Variants in SMYD2 observed in about 807,000 individuals in gnomAD.
SMYD2 encodes N-lysine methyltransferase SMYD2.
A neutral mutation model predicts 59.1 loss-of-function variants in SMYD2; 53 were observed. That is an observed-to-expected ratio of 0.90 (90% CI 0.72 to 1.13). SMYD2 has a LOEUF of 1.13. Among genes scored for constraint, SMYD2 ranks in the 50% most tolerant of loss-of-function variants. SMYD2 has a pLI of 0.00. For synonymous variants in SMYD2, 208 were observed against 198.8 expected, an observed-to-expected ratio of 1.05 and a Z score of -0.39; for missense variants, 494 against 544.7, an observed-to-expected ratio of 0.91 and a Z score of 0.93.
intron 3 of SMYD2, among the ~76,000 whole-genome samples, chr1:214,315,456 T>C (rs1358524671): frequency 6.6e-6 from 1 of 150,678 alleles, no homozygotes; most frequent in Non-Finnish European, 1.5e-5. Context: ...AAGAAAGAGG[T>C]GCCCTTGATG....
chr1:214,290,800 G>A (rs188706708), intron 1 of SMYD2, among the ~76,000 whole-genome samples: 13 of 152,324 alleles, frequency 8.5e-5, no homozygotes, highest in African/African-American at 3.1e-4. Flanking sequence ...AAGGAGTTAT[G>A]TTGAAATCTG....
intron 3 of SMYD2, among the ~76,000 whole-genome samples, 158 bp downstream of exon 3, chr1:214,315,030 A>C (rs777771473): frequency 6.6e-6 from 1 of 152,226 alleles, no homozygotes; most frequent in African/African-American, 2.4e-5. Flanking sequence ...AAAATACTCC[A>C]GGCATAATCT....
chr1:214,327,796 C>A, intron 7 of SMYD2, 72 bp downstream of exon 7: 1 of 1,276,558 alleles, frequency 7.8e-7, no homozygotes, highest in Non-Finnish European at 1.1e-6. Flanking sequence ...GTGGACAGAT[C>A]TGTGCAGTGT....
intron 1 of SMYD2, among the ~76,000 whole-genome samples, chr1:214,293,280 C>T (rs954486145): frequency 4.6e-5 from 7 of 152,042 alleles, no homozygotes; most frequent in Non-Finnish European, 1.0e-4. Flanking sequence ...TCTCGAACTC[C>T]CGACCTCAGG....
chr1:214,287,876 G>T (rs1004062917), intron 1 of SMYD2, among the ~76,000 whole-genome samples: 10 of 152,278 alleles, frequency 6.6e-5, no homozygotes, highest in African/African-American at 2.4e-4. Flanking sequence ...GGATATCAGG[G>T]TTCCTTCTGC....
At chr1:214,323,054 G>A (rs957569416) in intron 5 of SMYD2, among the ~76,000 whole-genome samples, 1 of 152,282 alleles carries the variant, frequency 6.6e-6, no homozygotes, top group Middle Eastern at 3.4e-3. Context: ...GGACAAGCAG[G>A]GGTCTCAGCC....
At chr1:214,327,356 T>C (rs1330517379) in intron 6 of SMYD2, 1 of 379,774 alleles carries the variant, frequency 2.6e-6, no homozygotes, top group African/African-American at 2.1e-5. Context: ...GCATTTGTTG[T>C]TTTTGCTGTT....
At chr1:214,285,262 C>T (rs1045012708) in intron 1 of SMYD2, among the ~76,000 whole-genome samples, 4 of 152,110 alleles carry the variant, frequency 2.6e-5, no homozygotes, top group Admixed American at 6.5e-5. Context: ...TTTATCAAAC[C>T]GGCAGAATAA....
rs778105669 is a variant in SMYD2 at position 214,281,416 on chromosome 1, C to G, written c.162C>G (p.Tyr54Ter). ...TVNERGNHCE[Y>*]CFTRKEGLSK... ...ACGAGCGGGGCAACCACTGCGAGTA[C>G]TGCTTCACCAGGTAGGGCGGCGGCG... Residue 54 changes from tyrosine (Y) to a stop codon, truncating the protein, a stop_gained, in exon 1 of 12, where the codon TAC (tyrosine) becomes TAG (stop). Transcript: ENST00000366957. LOFTEE classifies it high-confidence loss of function. 2 of 1,444,634 alleles carry G rather than the reference C, an allele frequency of 1.4e-6. No individual in the cohort carries two copies. Among genetic ancestry groups the G allele is most frequent in the Non-Finnish European group, 1.8e-6 (2 of 1,093,608 alleles). The allele number at this position is 1,444,634 out of a possible 1,614,324, so 89.5% of individuals were successfully genotyped here.
At chr1:214,334,544 G>C (rs1657406621) in intron 11 of SMYD2, among the ~76,000 whole-genome samples, 1 of 152,112 alleles carries the variant, frequency 6.6e-6, no homozygotes, top group African/African-American at 2.4e-5. Context: ...CCCACATCCA[G>C]AGGGCTGGCC....
intron 3 of SMYD2, among the ~76,000 whole-genome samples, chr1:214,317,175 C>G (rs757921422): frequency 2.6e-5 from 4 of 152,108 alleles, no homozygotes; most frequent in Non-Finnish European, 5.9e-5. Flanking sequence ...ATTTCGGCAC[C>G]AGGAGGGTAG....
At chr1:214,326,774 G>C (rs930453075) in intron 6 of SMYD2, among the ~76,000 whole-genome samples, 2 of 152,110 alleles carry the variant, frequency 1.3e-5, no homozygotes, top group African/African-American at 4.8e-5. Context: ...GGAGGGTCAG[G>C]GAGGTGACAT....
intron 10 of SMYD2, chr1:214,332,866 T>C (rs563904154): frequency 1.4e-4 from 22 of 152,046 alleles, no homozygotes; most frequent in African/African-American, 5.1e-4. Context: ...TGGAGCTCTT[T>C]TTAAAGGCAC....
At chr1:214,313,610 A>G (rs754837668) in intron 2 of SMYD2, among the ~76,000 whole-genome samples, 3 of 151,742 alleles carry the variant, frequency 2.0e-5, no homozygotes, top group Non-Finnish European at 4.4e-5. Flanking sequence ...TTACCCCATC[A>G]TCCCACCAAA....
At chr1:214,333,536 C>T (rs1657391067) in intron 10 of SMYD2, 1 of 152,502 alleles carries the variant, frequency 6.6e-6, no homozygotes, top group Non-Finnish European at 1.5e-5. Flanking sequence ...CACCCACCAG[C>T]TGCCTCTGGG....
intron 1 of SMYD2, among the ~76,000 whole-genome samples, chr1:214,296,114 G>C (rs1045285902): frequency 6.6e-6 from 1 of 152,200 alleles, no homozygotes; most frequent in African/African-American, 2.4e-5. Context: ...AACCCACTAA[G>C]CATTCATTTC....
intron 1 of SMYD2, among the ~76,000 whole-genome samples, chr1:214,286,173 C>T (rs1656534712): frequency 6.6e-6 from 1 of 152,152 alleles, no homozygotes; most frequent in African/African-American, 2.4e-5. Flanking sequence ...CCCAGGTTCC[C>T]TTATCTGTAA....
intron 8 of SMYD2, among the ~76,000 whole-genome samples, 166 bp downstream of exon 8, chr1:214,330,444 A>T (rs1657333709): frequency 6.6e-6 from 1 of 152,226 alleles, no homozygotes. Context: ...GTCTCTGTTC[A>T]GACCTGCTCC....
At chr1:214,332,853 C>T (rs1036793634) in intron 10 of SMYD2, 6 of 152,098 alleles carry the variant, frequency 3.9e-5, no homozygotes, top group Non-Finnish European at 8.8e-5. Flanking sequence ...TAGATGGGAT[C>T]ACTGGAGCTC....
Sources: gnomAD v4.1 joint callset for allele counts (sites outside exome capture counted in the v4.1 genomes callset) on GRCh38, gnomAD v4.1.1 for gene constraint, MANE v1.5 for transcripts, NCBI Gene and HGNC (gene_info 2026-07-23, HGNC 2026-07-21) for gene names.